FNDC3A: variants seen among roughly 807,000 people sequenced by gnomAD.
FNDC3A encodes the protein fibronectin type III domain containing 3A, also known as fibronectin type-III domain-containing protein 3A.
A neutral mutation model predicts 148.9 loss-of-function variants in FNDC3A; 32 were observed. That is an observed-to-expected ratio of 0.21 (90% CI 0.16 to 0.29). FNDC3A has a LOEUF of 0.29. FNDC3A is among the 10% of genes least tolerant of loss of function. The pLI, the probability that FNDC3A is intolerant of heterozygous loss-of-function variation, is 1.00. For missense variants in FNDC3A, 1,191 were observed against 1,452.8 expected, an observed-to-expected ratio of 0.82 and a Z score of 2.93; for synonymous variants, 472 against 473.6, an observed-to-expected ratio of 1.00 and a Z score of 0.04.
chr13:49,013,557 T>C (rs940352249), intron 2 of FNDC3A, among the ~76,000 whole-genome samples: 2 of 151,860 alleles, frequency 1.3e-5, no homozygotes, highest in Middle Eastern at 3.4e-3. Context: ...TGTATACATA[T>C]GTACACGTGT....
At chr13:49,078,303 C>G (rs1384532275) in intron 3 of FNDC3A, among the ~76,000 whole-genome samples, 1 of 152,090 alleles carries the variant, frequency 6.6e-6, no homozygotes, top group East Asian at 1.9e-4. Context: ...CCCCTTTGGT[C>G]AGGACCAAAA....
chr13:49,051,667 G>A (rs1408448573), intron 2 of FNDC3A, among the ~76,000 whole-genome samples: 3 of 152,128 alleles, frequency 2.0e-5, no homozygotes, highest in Non-Finnish European at 4.4e-5. Flanking sequence ...TAATCTTTTT[G>A]TGATGAATTT....
chr13:49,181,335 CA>C (rs1366404599), intron 14 of FNDC3A, among the ~76,000 whole-genome samples: 1 of 152,218 alleles, frequency 6.6e-6, no homozygotes, highest in African/African-American at 2.4e-5. Context: ...AAGTAGTCAG[CA>C]GGCCATTTTG....
At chr13:49,066,977 C>G (rs772906584) in intron 2 of FNDC3A, among the ~76,000 whole-genome samples, 11 of 151,866 alleles carry the variant, frequency 7.2e-5, no homozygotes, top group Non-Finnish European at 1.6e-4. Flanking sequence ...TTTTAATTAC[C>G]TCGGAGAAGA....
At chr13:49,191,791 G>A (rs923902999) in intron 19 of FNDC3A, among the ~76,000 whole-genome samples, 2 of 151,972 alleles carry the variant, frequency 1.3e-5, no homozygotes, top group African/African-American at 4.8e-5. Context: ...CTTTCAGTTG[G>A]CAACTAATTA....
chr13:49,106,249 G>A (rs534278198), intron 3 of FNDC3A, among the ~76,000 whole-genome samples: 98 of 152,258 alleles, frequency 6.4e-4, no homozygotes, highest in African/African-American at 2.0e-3. Flanking sequence ...TTAAATTGCA[G>A]TATTCAATCT....
chr13:49,065,202 G>A (rs1055038535), intron 2 of FNDC3A, among the ~76,000 whole-genome samples: 1 of 152,104 alleles, frequency 6.6e-6, no homozygotes, highest in Non-Finnish European at 1.5e-5. Context: ...GCAATGGGCT[G>A]GTCAGGCAGC....
At chr13:49,131,102 A>G (rs928519361) in intron 4 of FNDC3A, 35 bp from the exon 5 acceptor site, 6 of 1,491,330 alleles carry the variant, frequency 4.0e-6, no homozygotes, top group African/African-American at 2.8e-5. Context: ...TTTATATTCT[A>G]TGGAAGAAAT....
At chr13:49,020,538 G>A (rs1043502314) in intron 2 of FNDC3A, among the ~76,000 whole-genome samples, 39 of 152,186 alleles carry the variant, frequency 2.6e-4, no homozygotes, top group African/African-American at 8.0e-4. Context: ...GTGGCTGTGC[G>A]CCACATAGTC....
chr13:49,072,024 A>G (rs978195214), intron 2 of FNDC3A, among the ~76,000 whole-genome samples: 4 of 152,152 alleles, frequency 2.6e-5, no homozygotes, highest in African/African-American at 7.2e-5. Flanking sequence ...TTAGCTTGAC[A>G]TAATCCCATT....
At chr13:49,173,711 C>T (rs1884880845) in intron 11 of FNDC3A, among the ~76,000 whole-genome samples, 1 of 152,104 alleles carries the variant, frequency 6.6e-6, no homozygotes, top group Non-Finnish European at 1.5e-5. Context: ...AACATCAGAA[C>T]TAAAAAGAGC....
At chr13:49,122,874 C>G (rs188400065) in intron 4 of FNDC3A, among the ~76,000 whole-genome samples, 72 of 152,282 alleles carry the variant, frequency 4.7e-4, no homozygotes, top group Non-Finnish European at 9.1e-4. Flanking sequence ...GAAAAACATT[C>G]CATGCTCGTG....
rs774943742 is a variant in FNDC3A at position 49,207,425 on chromosome 13, C to CATA, written c.*32_*33insAAT. 134 of 1,340,038 alleles carry CATA rather than the reference C, an allele frequency of 1.0e-4. No homozygotes were observed. Among genetic ancestry groups the CATA allele is most frequent in the Admixed American group, 2.4e-4 (11 of 45,902 alleles). 83.0% of individuals were successfully genotyped at this position (1,340,038 alleles called of 1,614,324 possible). On this transcript the variant is annotated 3_prime_UTR_variant, in exon 26 of 26. Coordinates refer to ENST00000492622, the MANE Select transcript of FNDC3A (RefSeq NM_001079673.2). ...ATAACTTTATTTTTTAACTCTATTA[C>CATA]ATTTTATTTTGTCATGTACTAAAAT... is the stretch of plus-strand genomic sequence containing the variant.
chr13:49,169,421 G>C (rs1884641765), intron 10 of FNDC3A, among the ~76,000 whole-genome samples: 1 of 152,164 alleles, frequency 6.6e-6, no homozygotes, highest in South Asian at 2.1e-4. Flanking sequence ...AATGGGATTT[G>C]GTTCTTCAAT....
intron 3 of FNDC3A, among the ~76,000 whole-genome samples, chr13:49,099,674 G>A (rs1879743241): frequency 6.6e-6 from 1 of 151,952 alleles, no homozygotes; most frequent in Admixed American, 6.6e-5. Flanking sequence ...TCAAAAACAA[G>A]GTCTAAATTT....
At chr13:49,032,031 A>G (rs1310033417) in intron 2 of FNDC3A, among the ~76,000 whole-genome samples, 1 of 152,246 alleles carries the variant, frequency 6.6e-6, no homozygotes, top group Admixed American at 6.5e-5. Flanking sequence ...TACTATAAGC[A>G]TATGAAAGAT....
intron 2 of FNDC3A, among the ~76,000 whole-genome samples, chr13:49,054,101 T>C (rs999024214): frequency 2.6e-5 from 4 of 152,168 alleles, no homozygotes; most frequent in East Asian, 1.9e-4. Context: ...GAGAGTATAA[T>C]GAGGCATGTC....
At chr13:49,121,404 A>C (rs1453599276) in intron 4 of FNDC3A, among the ~76,000 whole-genome samples, 2 of 152,226 alleles carry the variant, frequency 1.3e-5, no homozygotes, top group African/African-American at 4.8e-5. Context: ...GAAAAATCTA[A>C]AATCAACACC....
intron 11 of FNDC3A, among the ~76,000 whole-genome samples, chr13:49,173,744 A>C (rs1193333696): frequency 1.3e-5 from 2 of 152,228 alleles, no homozygotes; most frequent in Non-Finnish European, 2.9e-5. Flanking sequence ...AGTCAAGTAC[A>C]GTCTACAGGT....
Sources: allele counts gnomAD v4.1 joint callset (sites outside exome capture counted in the v4.1 genomes callset), GRCh38; gene constraint gnomAD v4.1.1; transcripts MANE v1.5; gene names NCBI Gene and HGNC (gene_info 2026-07-23, HGNC 2026-07-21).